RNGTT: variants seen among roughly 807,000 people sequenced by gnomAD.
The protein encoded by RNGTT is mRNA-capping enzyme.
RNGTT carries 33 observed loss-of-function variants against 79.3 expected under a neutral mutation model. The ratio of observed to expected loss-of-function variants is 0.42; its 90% CI spans 0.32 to 0.56. The LOEUF (loss-of-function observed/expected upper bound fraction) is 0.56, where lower values mean the gene tolerates loss of function less well. Ranked by LOEUF, RNGTT falls within the 20% of genes least tolerant of loss-of-function variation. The pLI is 0.17. For missense variants in RNGTT, 497 were observed against 739.1 expected (o/e 0.67, Z 3.80); for synonymous variants, 222 against 235.9 (o/e 0.94, Z 0.54).
chr6:88,624,807 AT>A (rs1385709041), intron 14 of RNGTT, among the ~76,000 whole-genome samples: 1 of 151,942 alleles, frequency 6.6e-6, no homozygotes, highest in African/African-American at 2.4e-5. Flanking sequence ...ATAATAAAAT[AT>A]TTGCAAATCA....
chr6:88,849,693 T>C (rs1472962715), intron 10 of RNGTT, 62 bp downstream of exon 10: 4 of 1,408,572 alleles, frequency 2.8e-6, no homozygotes, highest in Non-Finnish European at 3.8e-6. Flanking sequence ...CCAAAGACTA[T>C]TGTCAAAAAT....
At chr6:88,699,499 C>A (rs897729169) in intron 13 of RNGTT, among the ~76,000 whole-genome samples, 1 of 152,012 alleles carries the variant, frequency 6.6e-6, no homozygotes, top group African/African-American at 2.4e-5. Context: ...AGCCTGATAA[C>A]ACAGTGAGAC....
chr6:88,767,964 A>C (rs1256722314), intron 13 of RNGTT, among the ~76,000 whole-genome samples: 2 of 152,148 alleles, frequency 1.3e-5, no homozygotes, highest in Admixed American at 1.3e-4. Context: ...ACTATCCTGA[A>C]AGTCATTCCT....
intron 12 of RNGTT, among the ~76,000 whole-genome samples, chr6:88,797,788 T>C (rs1779645086): frequency 2.0e-5 from 3 of 151,756 alleles, no homozygotes; most frequent in African/African-American, 7.3e-5. Flanking sequence ...GTAATTACAA[T>C]AGAATGACAG....
intron 2 of RNGTT, among the ~76,000 whole-genome samples, chr6:88,937,103 G>A (rs1448861250): frequency 6.6e-6 from 1 of 152,166 alleles, no homozygotes; most frequent in Non-Finnish European, 1.5e-5. Context: ...AACACTTTAA[G>A]AGGCCGAAGC....
chr6:88,920,241 T>C (rs1286902947), intron 4 of RNGTT, among the ~76,000 whole-genome samples: 1 of 152,224 alleles, frequency 6.6e-6, no homozygotes, highest in Non-Finnish European at 1.5e-5. Context: ...CGATGCTCAG[T>C]GCTCAAGTGC....
At chr6:88,863,444 T>C (rs1056555733) in intron 8 of RNGTT, among the ~76,000 whole-genome samples, 4 of 152,194 alleles carry the variant, frequency 2.6e-5, no homozygotes, top group African/African-American at 9.6e-5. Flanking sequence ...TTCATTTTAA[T>C]TTTAGTTAAT....
At chr6:88,679,500 G>A (rs1775008550) in intron 13 of RNGTT, among the ~76,000 whole-genome samples, 1 of 152,130 alleles carries the variant, frequency 6.6e-6, no homozygotes, top group Non-Finnish European at 1.5e-5. Context: ...ACGCAATATG[G>A]AGTCATATTA....
chr6:88,648,211 C>T (rs1424703227), intron 14 of RNGTT, among the ~76,000 whole-genome samples: 2 of 151,962 alleles, frequency 1.3e-5, no homozygotes, highest in African/African-American at 4.8e-5. Flanking sequence ...AATCCAGGAC[C>T]CTTCTGTTAT....
rs866665782 is a variant in RNGTT, at chr6:88,698,260, A to T, written c.1440-19841T>A. On this transcript the variant is annotated intron_variant, in intron 13 of 15. Coordinates refer to ENST00000369485, the MANE Select transcript of RNGTT (RefSeq NM_003800.5). ...AATATATATATGAAATATATATATA[A>T]ATATATATGATATATATATTTCATA... Among the ~76,000 whole-genome samples the T allele has an allele frequency of 3.8e-3, 366 of 95,384 alleles. 12 individuals are homozygous for T. Among genetic ancestry groups the T allele is most frequent in the African/African-American group, 0.03 (324 of 10,864 alleles). 62.6% of individuals were successfully genotyped at this position (95,384 alleles called of 152,430 possible).
chr6:88,916,760 A>C (rs1784012581), intron 4 of RNGTT, among the ~76,000 whole-genome samples: 1 of 152,206 alleles, frequency 6.6e-6, no homozygotes, highest in Non-Finnish European at 1.5e-5. Flanking sequence ...CTTTCCAAAA[A>C]AATTTTTTAC....
At chr6:88,746,717 T>C (rs1392668867) in intron 13 of RNGTT, among the ~76,000 whole-genome samples, 2 of 152,194 alleles carry the variant, frequency 1.3e-5, no homozygotes. Flanking sequence ...CTCCTGCTGT[T>C]GCAGCTTGGT....
intron 1 of RNGTT, among the ~76,000 whole-genome samples, chr6:88,950,861 GTTTTTTT>G (rs56393697): frequency 9.1e-5 from 13 of 142,850 alleles, no homozygotes; most frequent in African/African-American, 2.8e-4. Context: ...ACTGTTTTTG[GTTTTTTT>G]TTTTTTTTGA....
At chr6:88,864,976 T>C (rs1782122719) in intron 8 of RNGTT, among the ~76,000 whole-genome samples, 1 of 152,098 alleles carries the variant, frequency 6.6e-6, no homozygotes, top group African/African-American at 2.4e-5. Flanking sequence ...ATTTCAGTTA[T>C]ACAAAATCAA....
At chr6:88,716,841 C>T (rs9344843) in intron 13 of RNGTT, among the ~76,000 whole-genome samples, 40,693 of 151,892 alleles carry the variant, frequency 0.27, 9,327 homozygotes, top group African/African-American at 0.63. Flanking sequence ...CAGGGAGGGA[C>T]AGCATTAGGA....
intron 1 of RNGTT, among the ~76,000 whole-genome samples, chr6:88,954,574 T>C (rs1398247495): frequency 6.6e-6 from 1 of 151,892 alleles, no homozygotes; most frequent in South Asian, 2.1e-4. Context: ...ACTAGACAGG[T>C]CATCAAGAGA....
Position 88,836,484 on chromosome 6 carries a change from G to C in RNGTT, c.1269+7873C>G, listed in dbSNP as rs566752777. Among the ~76,000 whole-genome samples, 5 of 152,226 alleles carry C rather than the reference G, an allele frequency of 3.3e-5. No individual in the cohort carries two copies. In the South Asian group the frequency reaches 1.0e-3, roughly 32 times the overall value. Reference sequence around the variant, plus strand: ...TTGCCAGCTGTGGTGGCTCACGCTTGTAATCCCATCACTTTGGGAGGTCAA... The same window carrying C: ...TTGCCAGCTGTGGTGGCTCACGCTTCTAATCCCATCACTTTGGGAGGTCAA... On this transcript the variant is annotated intron_variant, in intron 11 of 15. Transcript: ENST00000369485.
At chr6:88,884,285 T>G (rs1782787326) in intron 8 of RNGTT, among the ~76,000 whole-genome samples, 1 of 152,174 alleles carries the variant, frequency 6.6e-6, no homozygotes, top group Non-Finnish European at 1.5e-5. Flanking sequence ...AATAAACTAC[T>G]CACACAATGG....
chr6:88,959,665 T>C (rs1370943441), intron 1 of RNGTT, among the ~76,000 whole-genome samples: 1 of 152,168 alleles, frequency 6.6e-6, no homozygotes, highest in African/African-American at 2.4e-5. Flanking sequence ...TCTCTCCATT[T>C]CCACTCTTTT....
Sources: allele counts gnomAD v4.1 joint callset (sites outside exome capture counted in the v4.1 genomes callset), GRCh38; gene constraint gnomAD v4.1.1; transcripts MANE v1.5; gene names NCBI Gene and HGNC (gene_info 2026-07-23, HGNC 2026-07-21).